KDM3A: variants seen among roughly 807,000 people sequenced by gnomAD.
KDM3A encodes lysine demethylase 3A.
KDM3A carries 60 observed loss-of-function variants against 158.0 expected under a neutral mutation model. The ratio of observed to expected loss-of-function variants is 0.38; its 90% CI spans 0.31 to 0.47. The LOEUF (loss-of-function observed/expected upper bound fraction) is 0.47, where lower values mean the gene tolerates loss of function less well. KDM3A is among the 20% of genes least tolerant of loss of function. The pLI, the probability that KDM3A is intolerant of heterozygous loss-of-function variation, is 0.99. For missense variants in KDM3A, 1,319 were observed against 1,574.3 expected (o/e 0.84, Z 2.74); for synonymous variants, 608 against 549.3 (o/e 1.11, Z -1.49).
chr2:86,478,044 G>A lies in KDM3A; in HGVS notation c.2092+15G>A. On this transcript the variant is annotated intron_variant, in intron 13 of 25. Coordinates refer to ENST00000312912, the MANE Select transcript of KDM3A (RefSeq NM_018433.6). ...TTGCCAACAGGGTGAGAACCGATTT[G>A]ATTCTCCTCCAGCCCCTCTACACAG... 1 of 1,613,998 alleles carries A rather than the reference G, an allele frequency of 6.2e-7. No homozygotes were observed. Among genetic ancestry groups the A allele is most frequent in the Non-Finnish European group, 8.5e-7 (1 of 1,179,964 alleles).
intron 12 of KDM3A, among the ~76,000 whole-genome samples, chr2:86,476,762 A>G (rs1673675485): frequency 6.6e-6 from 1 of 152,248 alleles, no homozygotes; most frequent in African/African-American, 2.4e-5. Flanking sequence ...TGTGCAATAC[A>G]TTATAATGTA....
At chr2:86,478,442 T>C (rs2292887) in intron 14 of KDM3A, among the ~76,000 whole-genome samples, 166 bp from the exon 15 acceptor site, 59,625 of 152,062 alleles carry the variant, frequency 0.39, 13,757 homozygotes, top group East Asian at 0.81. Flanking sequence ...TGGGATAGTT[T>C]TGTAGTAGAA....
chr2:86,482,408 G>C, intron 17 of KDM3A, 50 bp from the exon 18 acceptor site: 1 of 1,588,776 alleles, frequency 6.3e-7, no homozygotes. Context: ...GGAGTTTCTT[G>C]ATGGTAAGGG....
chr2:86,441,949 C>G (rs1031386854), intron 1 of KDM3A, 69 bp from the exon 2 acceptor site: 3 of 1,212,810 alleles, frequency 2.5e-6, no homozygotes, highest in African/African-American at 3.0e-5. Context: ...CGCCCGCCCT[C>G]CCTGCTGTCT....
chr2:86,489,508 T>C lies in KDM3A; in HGVS notation c.3434-12T>C, dbSNP rs767936956. 1.9e-6 allele frequency: 3 copies of C among 1,611,778 alleles called. No homozygotes were observed. The South Asian group carries it at 3.3e-5, about 18-fold the overall frequency. On this transcript the variant is annotated splice_polypyrimidine_tract_variant and intron_variant, in intron 22 of 25. Transcript: ENST00000312912. ...CTTGTGGTCTGATATCTGCTTTCTC[T>C]TCTTGCTCTAGAAGTCCTTAAGACC...
intron 4 of KDM3A, among the ~76,000 whole-genome samples, chr2:86,453,199 G>A (rs924220038): frequency 1.5e-4 from 23 of 152,198 alleles, no homozygotes; most frequent in African/African-American, 4.8e-5. Context: ...TGAGCCATCA[G>A]TGTGAATGTT....
intron 9 of KDM3A, among the ~76,000 whole-genome samples, chr2:86,465,938 CAAAAAAAAA>C (rs10541366): frequency 8.5e-6 from 1 of 118,056 alleles, no homozygotes; most frequent in African/African-American, 3.0e-5. Context: ...AATTTACACA[CAAAAAAAAA>C]AAAAAAAAAA....
chr2:86,441,229 C>T (rs1682684442), upstream of KDM3A: 1 of 152,348 alleles, frequency 6.6e-6, no homozygotes, highest in African/African-American at 2.4e-5. Flanking sequence ...CTGGCCCCGC[C>T]CTCGCCCGGG....
chr2:86,483,800 G>A, intron 18 of KDM3A, 187 bp from the exon 19 acceptor site: 1 of 525,164 alleles, frequency 1.9e-6, no homozygotes, highest in Non-Finnish European at 3.4e-6. Context: ...GTGTGTAGCA[G>A]ATGAATGGTG....
rs1027813748 is a variant in KDM3A, at chr2:86,441,964, C to T, written c.-30-54C>T. On this transcript the variant is annotated intron_variant, in intron 1 of 25. Coordinates refer to ENST00000312912, the MANE Select transcript of KDM3A (RefSeq NM_018433.6). ...CGCCCGCCCTCCCTGCTGTCTCCGC[C>T]CGGCCCCCTCCCACCGGCCGCCCCC... is the stretch of plus-strand genomic sequence containing the variant. 4.7e-6 allele frequency: 7 copies of T among 1,483,568 alleles called. No homozygotes were observed. In the Admixed American group the frequency reaches 1.0e-4, roughly 22 times the overall value. 91.9% of individuals were successfully genotyped at this position (1,483,568 alleles called of 1,614,324 possible). A position where few individuals can be genotyped will look rare whatever the true frequency, so the allele number is the denominator to read the frequency against.
Position 86,489,667 on chromosome 2 carries a change from G to C in KDM3A, c.3573+8G>C, listed in dbSNP as rs1674360019. The C allele has an allele frequency of 6.2e-7, 1 of 1,606,156 alleles. No individual in the cohort carries two copies. The highest frequency in any genetic ancestry group is 8.5e-7 in the Non-Finnish European group (1 of 1,176,598). ...AGGGAATTTCTTAAAAAGGTGTGCTGCTTATGGCATGTGTGAACAGAGGCA... is the reference window on the plus strand; with the variant it reads ...AGGGAATTTCTTAAAAAGGTGTGCTCCTTATGGCATGTGTGAACAGAGGCA... On this transcript the variant is annotated splice_region_variant and intron_variant, in intron 23 of 25. Transcript: ENST00000312912.
intron 2 of KDM3A, among the ~76,000 whole-genome samples, chr2:86,448,954 G>A (rs1332880470): frequency 6.6e-6 from 1 of 152,106 alleles, no homozygotes. Context: ...GCTTTTATAT[G>A]ACTTTGAGTT....
At chr2:86,462,693 ATATATCTG>A (rs912155712) in intron 8 of KDM3A, among the ~76,000 whole-genome samples, 2 of 152,210 alleles carry the variant, frequency 1.3e-5, no homozygotes, top group African/African-American at 4.8e-5. Flanking sequence ...TATTTTTCAG[ATATATCTG>A]TATATGCTAG....
At position 86,464,130 on chromosome 2, in the gene KDM3A, A is replaced by G. The variant is rs769713981; in HGVS notation, c.921A>G (p.Ala307=). The G allele has an allele frequency of 1.4e-4, 223 of 1,612,906 alleles. 2 individuals are homozygous for G. In the Admixed American group the frequency reaches 3.7e-3, roughly 27 times the overall value. Residue 307 remains alanine (A), a synonymous_variant, in exon 9 of 26, where the codon GCA becomes GCG. Coordinates refer to ENST00000312912, the MANE Select transcript of KDM3A (RefSeq NM_018433.6). The stretch of plus-strand genomic sequence containing the variant: ...AGATACTGCTTGGCTGTACTGCGGC[A>G]ACTCCACCTAGTAAGGACCCAAGAC... The part of the protein sequence containing the change: ...FKEILLGCTA[A]TPPSKDPRQQ...
chr2:86,472,210 G>C (rs1421931494), intron 11 of KDM3A, among the ~76,000 whole-genome samples: 2 of 150,508 alleles, frequency 1.3e-5, no homozygotes, highest in African/African-American at 4.9e-5. Context: ...AGAAGTCATT[G>C]ACTTTATGAC....
rs750380003 is a variant in KDM3A at position 86,485,717 on chromosome 2, CTGT to C, written c.3183-7_3183-5del. The C allele has an allele frequency of 1.1e-4, 179 of 1,611,424 alleles. 3 individuals are homozygous for C. The South Asian group carries it at 1.1e-3, about 10-fold the overall frequency. On this transcript the variant is annotated splice_polypyrimidine_tract_variant and intron_variant, in intron 20 of 25. Transcript: ENST00000312912. ...AATCTAACTTTGCAAATTCCTGGTTCTGTTGTTCTAGGTTTGATGATCTGATGG... is the reference window on the plus strand; with the variant it reads ...AATCTAACTTTGCAAATTCCTGGTTCTGTTCTAGGTTTGATGATCTGATGG...
In KDM3A at chr2:86,455,206, G is replaced by A; in HGVS notation, c.556+19G>A. On this transcript the variant is annotated intron_variant, in intron 5 of 25. Coordinates refer to ENST00000312912, the MANE Select transcript of KDM3A (RefSeq NM_018433.6). The stretch of plus-strand genomic sequence containing the variant: ...TTAAAAGGTATATGCATTATCTAGT[G>A]GTGATAGTTCACGAGTTGACCAATG... 7.5e-7 allele frequency: 1 copy of A among 1,335,580 alleles called. No individual in the cohort carries two copies. The highest frequency in any genetic ancestry group is 1.1e-6 in the Non-Finnish European group (1 of 945,602). The allele number at this position is 1,335,580 out of a possible 1,614,324, so 82.7% of individuals were successfully genotyped here.
chr2:86,445,651 A>G (rs1008793901), intron 2 of KDM3A, among the ~76,000 whole-genome samples: 1 of 152,152 alleles, frequency 6.6e-6, no homozygotes, highest in Non-Finnish European at 1.5e-5. Context: ...ATTGTCAGCA[A>G]TTTGGTGCCT....
intron 11 of KDM3A, among the ~76,000 whole-genome samples, chr2:86,471,319 ATATGTG>A (rs1673395481): frequency 6.6e-6 from 1 of 151,474 alleles, no homozygotes; most frequent in Admixed American, 6.6e-5. Context: ...ATATATGTGT[ATATGTG>A]TATGTGTGTA....
Sources: allele counts gnomAD v4.1 joint callset (sites outside exome capture counted in the v4.1 genomes callset), GRCh38; gene constraint gnomAD v4.1.1; transcripts MANE v1.5; gene names NCBI Gene and HGNC (gene_info 2026-07-23, HGNC 2026-07-21).